APOL3: variants seen among roughly 807,000 people sequenced by gnomAD.
APOL3 encodes apolipoprotein L3, also known as TNF-inducible protein CG12-1.
APOL3 carries 14 observed loss-of-function variants against 11.6 expected under a neutral mutation model. The ratio of observed to expected loss-of-function variants is 1.21; its 90% CI spans 0.80 to 1.89. The LOEUF (loss-of-function observed/expected upper bound fraction) is 1.89, where lower values mean the gene tolerates loss of function less well. Ranked by LOEUF, APOL3 falls within the 40% of genes most tolerant of loss-of-function variation. APOL3 has a pLI of 0.00. For synonymous variants in APOL3, 192 were observed against 190.6 expected (o/e 1.01, Z -0.06); for missense variants, 483 against 492.1 (o/e 0.98, Z 0.17).
chr22:36,141,807 A>T (rs751089492), exon 3 of APOL3: 1 of 1,614,252 alleles, frequency 6.2e-7, no homozygotes, highest in Non-Finnish European at 8.5e-7. Context: ...AGCAAGGGAC[A>T]TGATGCCAGA....
chr22:36,156,291 C>T (rs2105915), intron 1 of APOL3, among the ~76,000 whole-genome samples: 38,229 of 151,954 alleles, frequency 0.25, 5,586 homozygotes, highest in Non-Finnish European at 0.34. Flanking sequence ...GAGATGGGGT[C>T]GTGCTATGCT....
chr22:36,154,241 C>A (rs559771964), intron 1 of APOL3, among the ~76,000 whole-genome samples: 3 of 152,218 alleles, frequency 2.0e-5, no homozygotes, highest in African/African-American at 7.2e-5. Context: ...AGGAGGAAGT[C>A]CTTTAAATGA....
chr22:36,149,006 G>A (rs1306442861), intron 1 of APOL3, 40 bp downstream of exon 2: 14 of 1,365,514 alleles, frequency 1.0e-5, no homozygotes, highest in Non-Finnish European at 1.2e-5. Context: ...TTCTAGGTGC[G>A]AGTAGGAACC....
intron 1 of APOL3, 68 bp downstream of exon 2, chr22:36,148,978 T>C (rs2060325207): frequency 7.4e-7 from 1 of 1,345,516 alleles, no homozygotes; most frequent in Non-Finnish European, 1.0e-6. Flanking sequence ...CACTGAGTTG[T>C]GGAAACGCCA....
At chr22:36,146,586 T>C (rs2060229434) in intron 1 of APOL3, among the ~76,000 whole-genome samples, 2 of 151,864 alleles carry the variant, frequency 1.3e-5, no homozygotes, top group East Asian at 1.9e-4. Context: ...TATATATATA[T>C]ACCCTTATGT....
Position 36,149,154 on chromosome 22 carries a change from G to A in APOL3, c.224-3555C>T. ...TTTTTTTCTTAACCCTTGAGGAGGA[G>A]AAAGCAAATTGTGGGACTGAATGTG... On this transcript the variant is annotated intron_variant, in intron 1 of 2. Coordinates refer to ENST00000349314, the Ensembl canonical transcript of APOL3. 7.3e-7 allele frequency: 1 copy of A among 1,362,874 alleles called. No individual in the cohort carries two copies. The highest frequency in any genetic ancestry group is 9.8e-7 in the Non-Finnish European group (1 of 1,019,430). The allele number at this position is 1,362,874 out of a possible 1,614,324, so 84.4% of individuals were successfully genotyped here.
At chr22:36,157,986 G>A (rs1473080568) in intron 1 of APOL3, among the ~76,000 whole-genome samples, 1 of 152,104 alleles carries the variant, frequency 6.6e-6, no homozygotes. Context: ...GGAGGTGGAG[G>A]TTGCAGTGAG....
intron 1 of APOL3, among the ~76,000 whole-genome samples, chr22:36,150,178 G>A (rs1255027849): frequency 1.3e-5 from 2 of 151,836 alleles, no homozygotes; most frequent in African/African-American, 2.4e-5. Flanking sequence ...TCTTGCCTTG[G>A]GAAATGAGAA....
Position 36,146,421 on chromosome 22 carries a change from C to T in APOL3, c.224-822G>A, listed in dbSNP as rs568127057. 3.9e-5 allele frequency: 6 copies of T among 152,128 alleles called. No homozygotes were observed. The East Asian group carries it at 1.2e-3, about 29-fold the overall frequency. The allele number at this position is 152,128 out of a possible 1,614,324, so 9.4% of individuals were successfully genotyped here. A position where few individuals can be genotyped will look rare whatever the true frequency, so the allele number is the denominator to read the frequency against. ...GTGTCTTCAAAATCTGAGTTTCGAC[C>T]CATCAGTGGGTTATGAAAATAGTTC... On this transcript the variant is annotated intron_variant, in intron 1 of 2. Coordinates refer to ENST00000349314, the Ensembl canonical transcript of APOL3.
intron 1 of APOL3, chr22:36,149,875 C>T (rs1226776271): frequency 2.2e-6 from 1 of 456,246 alleles, no homozygotes; most frequent in Admixed American, 2.3e-5. Context: ...ACCCTTTGTC[C>T]CCCTTGCTTC....
At chr22:36,141,670 A>G in exon 3 of APOL3, 1 of 1,614,112 alleles carries the variant, frequency 6.2e-7, no homozygotes. Flanking sequence ...GCTTCTGCTG[A>G]TGATGTGTAT....
intron 1 of APOL3, among the ~76,000 whole-genome samples, chr22:36,152,624 G>T (rs79133750): frequency 6.6e-6 from 1 of 152,076 alleles, no homozygotes; most frequent in African/African-American, 2.4e-5. Flanking sequence ...ACCATCCTAC[G>T]TAGGCACTGT....
chr22:36,141,259 C>A lies in APOL3; in HGVS notation c.1150G>T (p.Glu384Ter), dbSNP rs759086611. Residue 384 changes from glutamate to a stop codon, truncating the protein, a stop_gained, in exon 3 of 3, where the codon GAG becomes TAG. Transcript: ENST00000349314. LOFTEE classifies it low-confidence loss of function (END_TRUNC). ...ATCTGAGTGAGCTCCATTAGATTCT[C>A]CTCCAGCTCCTGAGCCTGCCGCCTC... 6.2e-7 allele frequency: 1 copy of A among 1,614,102 alleles called. No individual in the cohort carries two copies. Among genetic ancestry groups the A allele is most frequent in the Middle Eastern group, 1.6e-4 (1 of 6,062 alleles).
intron 1 of APOL3, among the ~76,000 whole-genome samples, chr22:36,147,023 A>C (rs1018626763): frequency 6.6e-6 from 1 of 152,122 alleles, no homozygotes; most frequent in Non-Finnish European, 1.5e-5. Flanking sequence ...CAGACAGCGA[A>C]AGACACCACC....
chr22:36,164,196 A>G (rs554880758), upstream of APOL3, among the ~76,000 whole-genome samples: 1 of 152,368 alleles, frequency 6.6e-6, no homozygotes, highest in African/African-American at 2.4e-5. Context: ...ACTGCACAAC[A>G]TCACAGAAAC....
intron 2 of APOL3, among the ~76,000 whole-genome samples, chr22:36,143,991 G>T (rs2060095190): frequency 6.6e-6 from 1 of 152,142 alleles, no homozygotes; most frequent in African/African-American, 2.4e-5. Context: ...GCAGACACTT[G>T]TTCCAACTCT....
chr22:36,141,707 C>A (rs1228877236), exon 3 of APOL3: 1 of 1,613,950 alleles, frequency 6.2e-7, no homozygotes, highest in East Asian at 2.2e-5. Context: ...TGGTGGTGAT[C>A]CCAGTCACAG....
chr22:36,147,914 C>T (rs567346746), intron 1 of APOL3, among the ~76,000 whole-genome samples: 8 of 152,192 alleles, frequency 5.3e-5, no homozygotes, highest in Non-Finnish European at 1.0e-4. Context: ...CAGATGGGTG[C>T]TTACGTTAGG....
At chr22:36,151,702 C>T (rs565781057) in intron 1 of APOL3, among the ~76,000 whole-genome samples, 3 of 152,282 alleles carry the variant, frequency 2.0e-5, no homozygotes, top group East Asian at 3.9e-4. Flanking sequence ...TGCCTATAAC[C>T]CCATACTTTG....
Sources: allele counts gnomAD v4.1 joint callset (sites outside exome capture counted in the v4.1 genomes callset), GRCh38; gene constraint gnomAD v4.1.1; transcripts MANE v1.5; gene names NCBI Gene and HGNC (gene_info 2026-07-23, HGNC 2026-07-21).